DDX21: variants seen among roughly 807,000 people sequenced by gnomAD.
DDX21 encodes the protein nucleolar RNA helicase 2.
In DDX21, 18 loss-of-function variants were observed where a neutral mutation model predicts 90.0. That is an observed-to-expected ratio of 0.20 (90% CI 0.14 to 0.30). DDX21 has a LOEUF of 0.30. Among genes scored for constraint, DDX21 ranks in the 10% least tolerant of loss-of-function variants. The pLI is 1.00. For synonymous variants in DDX21, 294 were observed against 318.0 expected, an observed-to-expected ratio of 0.92 and a Z score of 0.80; for missense variants, 673 against 944.5, an observed-to-expected ratio of 0.71 and a Z score of 3.77.
chr10:68,977,448 A>G, intron 11 of DDX21, 81 bp from the exon 12 acceptor site: 1 of 1,311,466 alleles, frequency 7.6e-7, no homozygotes, highest in Non-Finnish European at 1.0e-6. Context: ...TTGGAAAGTT[A>G]CTCATTTATC....
rs1265765106 is a variant in DDX21, at chr10:68,962,129, A to G, written c.579A>G (p.Ile193Met). 6.2e-7 allele frequency: 1 copy of G among 1,612,126 alleles called. No homozygotes were observed. Among genetic ancestry groups the G allele is most frequent in the Non-Finnish European group, 8.5e-7 (1 of 1,178,672 alleles). ...AAGGCGCTTTCTCTAATTTTCCCAT[A>G]TCTGAAGAAACTATTAAACTTCTCA... is the stretch of plus-strand genomic sequence containing the variant. ...QKEGAFSNFPISEETIKLLKG... is the reference protein window; with the variant it reads ...QKEGAFSNFPMSEETIKLLKG... Residue 193 changes from isoleucine (I) to methionine (M), a missense_variant, in exon 3 of 15, where the codon ATA (isoleucine) becomes ATG (methionine). Ile to Met is a conservative substitution (Grantham distance 10, BLOSUM62 1). Coordinates refer to ENST00000354185, the MANE Select transcript of DDX21 (RefSeq NM_004728.4).
rs1842791237 is a variant in DDX21, at chr10:68,956,242, G to A, written c.17G>A (p.Arg6His). The change falls in exon 1 of 15, where the codon CGT (arginine) becomes CAT (histidine). Residue 6 changes from arginine (R) to histidine (H), a missense_variant. Physicochemically the swap from Arg to His is conservative, Grantham distance 29. Coordinates refer to ENST00000354185, the MANE Select transcript of DDX21 (RefSeq NM_004728.4). MPGKL[R>H]SDAGLESDTA... is the part of the protein sequence containing the mutation. Reference sequence around the variant, plus strand: ...GCGCTGAAGATGCCGGGAAAACTCCGTAGTGACGCTGGTTTGGAATCAGAC... The same window carrying A: ...GCGCTGAAGATGCCGGGAAAACTCCATAGTGACGCTGGTTTGGAATCAGAC... 1.9e-6 allele frequency: 3 copies of A among 1,614,006 alleles called. No individual in the cohort carries two copies. The African/African-American group carries it at 4.0e-5, about 22-fold the overall frequency.
chr10:68,970,580 A>G (rs1322579332), intron 8 of DDX21, among the ~76,000 whole-genome samples: 1 of 151,016 alleles, frequency 6.6e-6, no homozygotes, highest in Non-Finnish European at 1.5e-5. Context: ...TCCTGAGTTC[A>G]AGTGATTCTC....
At chr10:68,960,327 C>T (rs1282803781) in intron 2 of DDX21, 78 bp downstream of exon 2, 1 of 1,401,832 alleles carries the variant, frequency 7.1e-7, no homozygotes, top group Non-Finnish European at 9.6e-7. Flanking sequence ...GCTATATGTA[C>T]TCTTTAATAG....
At chr10:68,964,188 C>G in intron 4 of DDX21, 1 of 374,756 alleles carries the variant, frequency 2.7e-6, no homozygotes, top group South Asian at 2.0e-5. Context: ...TAGGGTGAGT[C>G]CATTGGGTTC....
At chr10:68,963,961 G>A (rs1462422899) in intron 4 of DDX21, 4 of 197,120 alleles carry the variant, frequency 2.0e-5, no homozygotes, top group East Asian at 1.6e-4. Context: ...TTAGCCGGGC[G>A]TGGTGGCGGG....
At chr10:68,976,205 T>G (rs950227744) in intron 11 of DDX21, among the ~76,000 whole-genome samples, 13 of 149,874 alleles carry the variant, frequency 8.7e-5, no homozygotes, top group African/African-American at 2.2e-4. Context: ...CCACCCTGGG[T>G]GGCAGAGTGA....
rs755882577 is a variant in DDX21, at chr10:68,973,559, C to T, written c.1563C>T (p.Tyr521=). 5.6e-6 allele frequency: 9 copies of T among 1,613,932 alleles called. No individual in the cohort carries two copies. Among genetic ancestry groups the T allele is most frequent in the East Asian group, 4.5e-5 (2 of 44,888 alleles). ...QSSPPKDVES[Y]IHRSGRTGRA... ...TACTTCAATAGGATGTAGAGTCCTA[C>T]ATTCATCGATCCGGGCGGACAGGCA... The change falls in exon 10 of 15, where the codon TAC becomes TAT. Residue 521 remains tyrosine, a synonymous_variant. Coordinates refer to ENST00000354185, the MANE Select transcript of DDX21 (RefSeq NM_004728.4).
intron 1 of DDX21, among the ~76,000 whole-genome samples, chr10:68,958,493 G>C (rs945994729): frequency 5.9e-5 from 9 of 151,996 alleles, no homozygotes; most frequent in African/African-American, 1.9e-4. Context: ...CTGGAGTGCA[G>C]TGGCATGATC....
intron 12 of DDX21, among the ~76,000 whole-genome samples, chr10:68,978,302 T>C (rs1843135073): frequency 6.6e-6 from 1 of 152,124 alleles, no homozygotes; most frequent in Admixed American, 6.5e-5. Context: ...TAGATAGTGC[T>C]GAATGGTTGC....
rs984266358 is a variant in DDX21, at chr10:68,984,771, C to T, written c.*1959C>T. On this transcript the variant is annotated 3_prime_UTR_variant, in exon 15 of 15. Coordinates refer to ENST00000354185, the MANE Select transcript of DDX21 (RefSeq NM_004728.4). ...GAAGATTAATAGAAATTTCACTTCA[C>T]ATAACTTAAAACATGGCTATTTCAA... 6.6e-6 allele frequency: 1 copy of T among 152,146 alleles called. No individual in the cohort carries two copies. The highest frequency in any genetic ancestry group is 1.5e-5 in the Non-Finnish European group (1 of 68,016). 9.4% of individuals were successfully genotyped at this position (152,146 alleles called of 1,614,324 possible).
At chr10:68,958,290 A>G (rs1842827480) in intron 1 of DDX21, among the ~76,000 whole-genome samples, 1 of 151,656 alleles carries the variant, frequency 6.6e-6, no homozygotes, top group Admixed American at 6.6e-5. Context: ...TTTTTTGTAG[A>G]GACAGAGTCT....
At chr10:68,966,208 G>T (rs2132084177) in intron 5 of DDX21, among the ~76,000 whole-genome samples, 1 of 151,556 alleles carries the variant, frequency 6.6e-6, no homozygotes, top group East Asian at 2.0e-4. Context: ...AGGCAGGAGA[G>T]TGGCGTGAAC....
intron 10 of DDX21, 86 bp from the exon 11 acceptor site, chr10:68,974,584 C>A (rs1265998858): frequency 9.7e-7 from 1 of 1,029,004 alleles, no homozygotes; most frequent in Non-Finnish European, 1.5e-6. Flanking sequence ...TACATTTGGC[C>A]TATATTAAAA....
Position 68,982,869 on chromosome 10 carries a change from G to T in DDX21, c.*57G>T. ...GAATGATGTTTGGCAATATAGAACTGAACATTATTTTTCATGCAAAGTTAA... is the reference window on the plus strand; with the variant it reads ...GAATGATGTTTGGCAATATAGAACTTAACATTATTTTTCATGCAAAGTTAA... On this transcript the variant is annotated 3_prime_UTR_variant, in exon 15 of 15. Transcript: ENST00000354185. The T allele has an allele frequency of 6.3e-7, 1 of 1,580,350 alleles. No individual in the cohort carries two copies. The highest frequency in any genetic ancestry group is 1.1e-5 in the South Asian group (1 of 87,640).
At chr10:68,982,483 A>G (rs904535204) in intron 14 of DDX21, 60 bp from the exon 15 acceptor site, 8 of 1,548,094 alleles carry the variant, frequency 5.2e-6, no homozygotes, top group Non-Finnish European at 7.0e-6. Context: ...TGTTTTTCTC[A>G]TGCTTTTTAA....
chr10:68,956,270 C>G lies in DDX21; in HGVS notation c.45C>G (p.Thr15=). 6.2e-7 allele frequency: 1 copy of G among 1,614,046 alleles called. No individual in the cohort carries two copies. The highest frequency in any genetic ancestry group is 1.1e-5 in the South Asian group (1 of 91,080). Residue 15 remains threonine, a synonymous_variant, in exon 1 of 15, where the codon ACC becomes ACG. Coordinates refer to ENST00000354185, the MANE Select transcript of DDX21 (RefSeq NM_004728.4). The part of the protein sequence containing the change: ...LRSDAGLESD[T]AMKKGETLRK... The stretch of plus-strand genomic sequence containing the variant: ...GTGACGCTGGTTTGGAATCAGACAC[C>G]GCAATGAAAAAAGGGGAGACACTGC...
At chr10:68,956,393 A>G (rs1355263327) in intron 1 of DDX21, 81 bp downstream of exon 1, 1 of 1,585,470 alleles carries the variant, frequency 6.3e-7, no homozygotes, top group Non-Finnish European at 8.6e-7. Context: ...CCGGGCTGGG[A>G]TCGTGGGAGC....
chr10:68,959,304 G>A (rs1474826448), intron 1 of DDX21, among the ~76,000 whole-genome samples: 1 of 152,000 alleles, frequency 6.6e-6, no homozygotes, highest in African/African-American at 2.4e-5. Flanking sequence ...GACCAGCCTG[G>A]GCAACATGGG....
Sources: allele counts gnomAD v4.1 joint callset (sites outside exome capture counted in the v4.1 genomes callset), GRCh38; gene constraint gnomAD v4.1.1; transcripts MANE v1.5; gene names NCBI Gene and HGNC (gene_info 2026-07-23, HGNC 2026-07-21).